Variants in HECW1 observed in about 807,000 individuals in gnomAD.
HECW1 encodes E3 ubiquitin-protein ligase HECW1.
A neutral mutation model predicts 182.3 loss-of-function variants in HECW1; 61 were observed. That is an observed-to-expected ratio of 0.33 (90% CI 0.27 to 0.41). The LOEUF is 0.41. Among genes scored for constraint, HECW1 ranks in the 10% least tolerant of loss-of-function variants. HECW1 has a pLI of 1.00. For missense variants in HECW1, 1,739 were observed against 2,108.9 expected, an observed-to-expected ratio of 0.82 and a Z score of 3.44; for synonymous variants, 859 against 832.6, an observed-to-expected ratio of 1.03 and a Z score of -0.55.
chr7:43,445,660 TC>T lies in HECW1; in HGVS notation c.2398+91del, dbSNP rs533925653. On this transcript the variant is annotated intron_variant, in intron 11 of 29. Transcript: ENST00000395891. ...GTTTAAAAACAAGAAGGGCGGGGGA[TC>T]GGTGTCAAACGGGGTTGCTGGGGCA... The T allele has an allele frequency of 4.2e-3, 6,067 of 1,435,634 alleles. 26 individuals are homozygous for T. Among genetic ancestry groups the T allele is most frequent in the Non-Finnish European group, 5.1e-3 (5,557 of 1,083,306 alleles). The allele number at this position is 1,435,634 out of a possible 1,614,324, so 88.9% of individuals were successfully genotyped here.
chr7:43,231,580 C>T (rs1440068587), intron 2 of HECW1, among the ~76,000 whole-genome samples: 1 of 152,110 alleles, frequency 6.6e-6, no homozygotes, highest in Non-Finnish European at 1.5e-5. Flanking sequence ...AGACATACTT[C>T]CCCTGGTTTT....
intron 5 of HECW1, among the ~76,000 whole-genome samples, chr7:43,355,195 C>G (rs1814966727): frequency 6.6e-6 from 1 of 151,744 alleles, no homozygotes; most frequent in Admixed American, 6.6e-5. Context: ...ATCTGAAAAA[C>G]AAAAACAAAA....
chr7:43,287,297 C>T (rs895463332), intron 3 of HECW1, among the ~76,000 whole-genome samples: 19 of 151,800 alleles, frequency 1.3e-4, no homozygotes, highest in African/African-American at 4.6e-4. Context: ...GAAGGGAGAG[C>T]CAGAGGCCCA....
At chr7:43,425,311 TA>T (rs2076327002) in intron 8 of HECW1, among the ~76,000 whole-genome samples, 1 of 142,522 alleles carries the variant, frequency 7.0e-6, no homozygotes, top group African/African-American at 3.0e-5. Flanking sequence ...AGATGATAGA[TA>T]GATAGATAGA....
intron 3 of HECW1, among the ~76,000 whole-genome samples, chr7:43,307,427 G>A (rs908670447): frequency 4.6e-5 from 7 of 152,170 alleles, no homozygotes; most frequent in African/African-American, 1.4e-4. Flanking sequence ...TACAGAGATT[G>A]GGAGGGCCAC....
At position 43,271,458 on chromosome 7, in the gene HECW1, C is replaced by G. The variant is rs73320408; in HGVS notation, c.27+27526C>G. Among the ~76,000 whole-genome samples, 668 of 152,206 alleles carry G rather than the reference C, an allele frequency of 4.4e-3. 3 individuals carry two copies. Among genetic ancestry groups the G allele is most frequent in the African/African-American group, 0.015 (640 of 41,530 alleles). On this transcript the variant is annotated intron_variant, in intron 3 of 29. Transcript: ENST00000395891. ...TTATATGATTCTGTACTTAGAAAAC[C>G]CTAAGGACTCTGTCAAAAGGCTATT...
intron 24 of HECW1, among the ~76,000 whole-genome samples, chr7:43,515,466 G>A (rs1467379055): frequency 2.0e-5 from 3 of 152,182 alleles, no homozygotes; most frequent in Non-Finnish European, 2.9e-5. Flanking sequence ...TAGGGCAGAA[G>A]CAGTAGAAAT....
intron 3 of HECW1, among the ~76,000 whole-genome samples, chr7:43,278,095 A>G (rs1193329718): frequency 2.0e-5 from 3 of 152,042 alleles, no homozygotes; most frequent in Non-Finnish European, 4.4e-5. Flanking sequence ...CCCCAAATGT[A>G]TATGCCCATT....
chr7:43,234,976 C>T (rs1798194060), intron 2 of HECW1, among the ~76,000 whole-genome samples: 1 of 152,246 alleles, frequency 6.6e-6, no homozygotes, highest in Non-Finnish European at 1.5e-5. Flanking sequence ...GCAGGCCTCT[C>T]CTCCCTATCT....
At chr7:43,326,898 G>T (rs534460565) in intron 5 of HECW1, among the ~76,000 whole-genome samples, 14 of 152,318 alleles carry the variant, frequency 9.2e-5, no homozygotes, top group African/African-American at 3.1e-4. Flanking sequence ...GAACAAGCTC[G>T]CTGGGACCAG....
chr7:43,196,333 G>T (rs185707996), intron 2 of HECW1, among the ~76,000 whole-genome samples: 70 of 152,306 alleles, frequency 4.6e-4, no homozygotes, highest in African/African-American at 1.6e-3. Context: ...TATATAAAAA[G>T]GTAGGCACTG....
intron 7 of HECW1, among the ~76,000 whole-genome samples, chr7:43,399,719 G>C (rs2152839804): frequency 6.6e-6 from 1 of 152,236 alleles, no homozygotes; most frequent in South Asian, 2.1e-4. Context: ...GATCAGGGTT[G>C]GTTCATCTCC....
At chr7:43,313,986 T>A (rs1808871720) in intron 4 of HECW1, among the ~76,000 whole-genome samples, 1 of 152,178 alleles carries the variant, frequency 6.6e-6, no homozygotes, top group African/African-American at 2.4e-5. Context: ...GTTTGTTTTT[T>A]GGTTTGGTTT....
chr7:43,350,372 AG>A (rs748268849), intron 5 of HECW1, among the ~76,000 whole-genome samples: 31 of 152,168 alleles, frequency 2.0e-4, no homozygotes, highest in Non-Finnish European at 4.1e-4. Flanking sequence ...TTAATTTCCC[AG>A]GTGTTCTTTG....
intron 3 of HECW1, among the ~76,000 whole-genome samples, chr7:43,247,807 AAAG>A (rs1799548457): frequency 7.1e-6 from 1 of 141,480 alleles, no homozygotes; most frequent in Non-Finnish European, 1.5e-5. Context: ...GGAGGGAAGG[AAAG>A]AAAAGAAAGA....
At chr7:43,223,482 G>C (rs1245919135) in intron 2 of HECW1, among the ~76,000 whole-genome samples, 1 of 152,128 alleles carries the variant, frequency 6.6e-6, no homozygotes, top group Admixed American at 6.5e-5. Flanking sequence ...AGCCAGGCGT[G>C]GTGATGCACA....
intron 3 of HECW1, among the ~76,000 whole-genome samples, chr7:43,268,181 G>C (rs1289997092): frequency 6.6e-6 from 1 of 152,166 alleles, no homozygotes; most frequent in Non-Finnish European, 1.5e-5. Flanking sequence ...CTGCCCTCAG[G>C]GTGGTTACTT....
At chr7:43,173,753 T>C (rs1287730558) in intron 2 of HECW1, among the ~76,000 whole-genome samples, 2 of 152,184 alleles carry the variant, frequency 1.3e-5, no homozygotes, top group Admixed American at 6.5e-5. Flanking sequence ...GGACCACTAT[T>C]GGTCTATGGT....
intron 3 of HECW1, among the ~76,000 whole-genome samples, chr7:43,307,033 A>G (rs1199391094): frequency 6.6e-6 from 1 of 152,228 alleles, no homozygotes; most frequent in Admixed American, 6.5e-5. Flanking sequence ...AGCAAAACAA[A>G]TAAACAAAAC....
Sources: allele counts gnomAD v4.1 joint callset (sites outside exome capture counted in the v4.1 genomes callset), GRCh38; gene constraint gnomAD v4.1.1; transcripts MANE v1.5; gene names NCBI Gene and HGNC (gene_info 2026-07-23, HGNC 2026-07-21).